Variants in PLAUR observed in about 807,000 individuals in gnomAD.
PLAUR encodes plasminogen activator, urokinase receptor.
Under a neutral mutation model 33.4 loss-of-function variants are expected in PLAUR, and 22 were observed. The observed-to-expected ratio is 0.66, with a 90% confidence interval of 0.47 to 0.94. The LOEUF (loss-of-function observed/expected upper bound fraction) is 0.94, where lower values mean the gene tolerates loss of function less well. Among genes scored for constraint, PLAUR ranks in the 40% least tolerant of loss-of-function variants. The pLI is 0.00. For synonymous variants in PLAUR, 148 were observed against 167.3 expected (o/e 0.88, Z 0.89); for missense variants, 408 against 434.7 (o/e 0.94, Z 0.55).
chr19:43,654,125 GAA>G (rs533258807), intron 5 of PLAUR, among the ~76,000 whole-genome samples: 1 of 135,786 alleles, frequency 7.4e-6, no homozygotes, highest in Non-Finnish European at 1.6e-5. Flanking sequence ...CTCCATCTCA[GAA>G]AAAAAAAAAA....
chr19:43,665,025 A>C, intron 3 of PLAUR: 1 of 389,610 alleles, frequency 2.6e-6, no homozygotes, highest in Non-Finnish European at 4.7e-6. Context: ...TGATTTGGGG[A>C]TGGGGTTGGA....
chr19:43,665,136 G>A (rs534607549), intron 3 of PLAUR, 180 bp downstream of exon 3: 2 of 620,258 alleles, frequency 3.2e-6, no homozygotes, highest in Non-Finnish European at 5.8e-6. Flanking sequence ...GGTTGGATAT[G>A]GGGTCAAGAA....
At chr19:43,668,764 C>A (rs191015846) in intron 1 of PLAUR, among the ~76,000 whole-genome samples, 17 of 151,832 alleles carry the variant, frequency 1.1e-4, no homozygotes, top group African/African-American at 3.9e-4. Context: ...CTAGCTCCTC[C>A]CGAGGTTATA....
In PLAUR at chr19:43,668,316, T is replaced by G. The variant is rs551228870; in HGVS notation, c.56-625A>C. ...AAGTTCTGTCTCCGCCCTCCAGCTC[T>G]CCAACTAGGTTTTGGCCCCGCTCCA... On this transcript the variant is annotated intron_variant, in intron 1 of 6. Transcript: ENST00000340093. The G allele has an allele frequency of 2.9e-4, 286 of 986,480 alleles. 4 individuals carry two copies. In the African/African-American group the frequency reaches 4.6e-3, roughly 16 times the overall value. The allele number at this position is 986,480 out of a possible 1,614,324, so 61.1% of individuals were successfully genotyped here.
chr19:43,648,544 G>T, downstream of PLAUR: 1 of 995,758 alleles, frequency 1.0e-6, no homozygotes, highest in Non-Finnish European at 1.2e-6. Flanking sequence ...TCCTCCCAAA[G>T]ATAGACACTA....
chr19:43,666,777 C>T (rs1350302672), intron 2 of PLAUR, among the ~76,000 whole-genome samples: 2 of 151,954 alleles, frequency 1.3e-5, no homozygotes, highest in Admixed American at 6.6e-5. Context: ...CCATGTTGGC[C>T]AGGCTGGTCC....
chr19:43,665,622 C>T (rs1043051798), intron 2 of PLAUR, among the ~76,000 whole-genome samples, 163 bp from the exon 3 acceptor site: 2 of 143,848 alleles, frequency 1.4e-5, no homozygotes, highest in Non-Finnish European at 1.5e-5. Flanking sequence ...CTTGCCTCCA[C>T]CCCCACCCCA....
At chr19:43,665,240 G>T in intron 3 of PLAUR, 76 bp downstream of exon 3, 1 of 1,478,468 alleles carries the variant, frequency 6.8e-7, no homozygotes, top group Non-Finnish European at 9.4e-7. Context: ...GTAAAGTTAA[G>T]AATAGGATTG....
At position 43,656,531 on chromosome 19, in the gene PLAUR, A is replaced by G. The variant is rs749569798; in HGVS notation, c.420T>C (p.Pro140=). 6.2e-7 allele frequency: 1 copy of G among 1,610,960 alleles called. No homozygotes were observed. Among genetic ancestry groups the G allele is most frequent in the Non-Finnish European group, 8.5e-7 (1 of 1,178,146 alleles). Residue 140 remains proline (P), a synonymous_variant, in exon 4 of 7, where the codon CCT becomes CCC. Coordinates refer to ENST00000340093, the MANE Select transcript of PLAUR (RefSeq NM_002659.4). Reference sequence around the variant, plus strand: ...TCACCACATCCAGGCACTGTTCTTCAGGGCTGCGGCACTGCAGGCTCTGGT... The same window carrying G: ...TCACCACATCCAGGCACTGTTCTTCGGGGCTGCGGCACTGCAGGCTCTGGT... The part of the protein sequence containing the change: ...GRHQSLQCRS[P]EEQCLDVVTH...
chr19:43,646,951 T>C (rs528319988), downstream of PLAUR, among the ~76,000 whole-genome samples: 1 of 152,134 alleles, frequency 6.6e-6, no homozygotes, highest in East Asian at 1.9e-4. Flanking sequence ...CGGTTAATTT[T>C]TGTAATTTTA....
At chr19:43,660,153 CGTTTTGTTTT>C (rs10524578) in intron 3 of PLAUR, among the ~76,000 whole-genome samples, 12 of 148,244 alleles carry the variant, frequency 8.1e-5, no homozygotes, top group South Asian at 2.1e-4. Context: ...CAGAGTCTTG[CGTTTTGTTTT>C]GTTTTGTTTT....
At chr19:43,659,265 C>T (rs1157342565) in intron 3 of PLAUR, among the ~76,000 whole-genome samples, 2 of 144,272 alleles carry the variant, frequency 1.4e-5, no homozygotes, top group Non-Finnish European at 3.0e-5. Context: ...GTGATTCTCC[C>T]ATCTCAGCCT....
downstream of PLAUR, chr19:43,648,477 G>T: frequency 3.5e-6 from 2 of 576,518 alleles, no homozygotes; most frequent in Non-Finnish European, 2.2e-6. Context: ...CTAGGCAGGG[G>T]CCTCAAACAT....
intron 2 of PLAUR, chr19:43,667,308 T>A (rs1967298006): frequency 3.9e-6 from 2 of 506,402 alleles, no homozygotes; most frequent in Non-Finnish European, 7.2e-6. Context: ...TAGCATATGT[T>A]AATCTTCATC....
At chr19:43,662,604 C>T (rs1420071157) in intron 3 of PLAUR, among the ~76,000 whole-genome samples, 1 of 152,202 alleles carries the variant, frequency 6.6e-6, no homozygotes, top group African/African-American at 2.4e-5. Flanking sequence ...GTGTAACATG[C>T]CCCTGCCAAG....
intron 2 of PLAUR, 45 bp downstream of exon 2, chr19:43,667,536 T>C (rs1359956874): frequency 1.0e-5 from 14 of 1,349,198 alleles, no homozygotes; most frequent in African/African-American, 1.4e-5. Flanking sequence ...ATCACTCGCG[T>C]TCCATGCTGC....
downstream of PLAUR, among the ~76,000 whole-genome samples, chr19:43,647,048 G>A (rs1020839159): frequency 6.6e-6 from 1 of 152,042 alleles, no homozygotes; most frequent in African/African-American, 2.4e-5. Context: ...CCAAAGTGCT[G>A]GGATTACAGG....
chr19:43,655,724 G>A (rs4251882), intron 4 of PLAUR, 151 bp from the exon 5 acceptor site: 36,720 of 692,678 alleles, frequency 0.053, 1,203 homozygotes, highest in Middle Eastern at 0.14. Flanking sequence ...AGATCTTGTC[G>A]AAAACTACAT....
intron 3 of PLAUR, among the ~76,000 whole-genome samples, chr19:43,663,472 G>A (rs955857646): frequency 6.6e-6 from 1 of 151,780 alleles, no homozygotes; most frequent in African/African-American, 2.4e-5. Flanking sequence ...CCACAAGCAG[G>A]GTACAATGGC....
Sources: gnomAD v4.1 joint callset for allele counts (sites outside exome capture counted in the v4.1 genomes callset) on GRCh38, gnomAD v4.1.1 for gene constraint, MANE v1.5 for transcripts, NCBI Gene and HGNC (gene_info 2026-07-23, HGNC 2026-07-21) for gene names.